Variants in HNRNPR observed in about 807,000 individuals in gnomAD.
HNRNPR encodes heterogeneous nuclear ribonucleoprotein R.
Under a neutral mutation model 70.3 loss-of-function variants are expected in HNRNPR, and 4 were observed. The observed-to-expected ratio is 0.06, with a 90% CI of 0.03 to 0.13. The LOEUF is 0.13. Among genes scored for constraint, HNRNPR ranks in the 10% least tolerant of loss-of-function variants. The pLI is 1.00. For missense variants in HNRNPR, 423 were observed against 788.5 expected, an observed-to-expected ratio of 0.54 and a Z score of 5.55; for synonymous variants, 241 against 267.6, an observed-to-expected ratio of 0.90 and a Z score of 0.97.
chr1:23,320,931 C>G (rs1486482185), intron 7 of HNRNPR, among the ~76,000 whole-genome samples: 1 of 152,174 alleles, frequency 6.6e-6, no homozygotes, highest in East Asian at 1.9e-4. Flanking sequence ...CTTTGGGAGG[C>G]CGAGGCGGGA....
intron 4 of HNRNPR, among the ~76,000 whole-genome samples, chr1:23,334,753 A>G (rs1646394160): frequency 6.6e-6 from 1 of 152,204 alleles, no homozygotes; most frequent in South Asian, 2.1e-4. Context: ...CTTACATTCT[A>G]TTAGGTATTA....
intron 9 of HNRNPR, among the ~76,000 whole-genome samples, chr1:23,312,924 T>G (rs998296806): frequency 6.6e-6 from 1 of 152,158 alleles, no homozygotes; most frequent in Non-Finnish European, 1.5e-5. Context: ...CCATTAAAGA[T>G]AGTCCTAAAC....
Position 23,307,756 on chromosome 1 carries a change from C to T in HNRNPR, c.*2698G>A, listed in dbSNP as rs1645224692. 6.6e-6 allele frequency: 1 copy of T among 151,952 alleles called. No individual in the cohort carries two copies. The highest frequency in any genetic ancestry group is 1.5e-5 in the Non-Finnish European group (1 of 67,910). The allele number at this position is 151,952 out of a possible 1,614,324, so 9.4% of individuals were successfully genotyped here. On this transcript the variant is annotated 3_prime_UTR_variant, in exon 11 of 11. Coordinates refer to ENST00000302271, the MANE Select transcript of HNRNPR (RefSeq NM_005826.5). ...TGTATCGGTCTCACCAGGGTACCTA[C>T]AAAGAATAGCTCTATACCTCAATAT...
At chr1:23,322,976 T>C (rs568573856) in intron 6 of HNRNPR, among the ~76,000 whole-genome samples, 3 of 152,204 alleles carry the variant, frequency 2.0e-5, no homozygotes, top group African/African-American at 7.2e-5. Flanking sequence ...AGGAAATTAA[T>C]ATGAGACTGG....
intron 4 of HNRNPR, among the ~76,000 whole-genome samples, chr1:23,335,862 A>G (rs1206920705): frequency 6.6e-6 from 1 of 152,096 alleles, no homozygotes; most frequent in Non-Finnish European, 1.5e-5. Flanking sequence ...TCACGCCTGT[A>G]ATCCCAGCAC....
chr1:23,307,228 T>C lies in HNRNPR; in HGVS notation c.*3226A>G, dbSNP rs1645215978. On this transcript the variant is annotated 3_prime_UTR_variant, in exon 11 of 11. Coordinates refer to ENST00000302271, the MANE Select transcript of HNRNPR (RefSeq NM_005826.5). The stretch of plus-strand genomic sequence containing the variant: ...TTTGGTTTTACAAATGCACAATTAA[T>C]AAAACGTAGGTATGATTATATTCAA... 1 of 152,144 alleles carries C rather than the reference T, an allele frequency of 6.6e-6. No individual in the cohort carries two copies. Among genetic ancestry groups the C allele is most frequent in the African/African-American group, 2.4e-5 (1 of 41,452 alleles). 9.4% of individuals were successfully genotyped at this position (152,144 alleles called of 1,614,324 possible).
At chr1:23,342,042 G>A (rs563881917) in intron 1 of HNRNPR, among the ~76,000 whole-genome samples, 1 of 152,120 alleles carries the variant, frequency 6.6e-6, no homozygotes, top group African/African-American at 2.4e-5. Flanking sequence ...ATAGGCAGCA[G>A]AACAAGACAT....
At position 23,319,923 on chromosome 1, in the gene HNRNPR, CT is replaced by C. The variant is rs200896881; in HGVS notation, c.812-1236del. On this transcript the variant is annotated intron_variant, in intron 7 of 10. Coordinates refer to ENST00000302271, the MANE Select transcript of HNRNPR (RefSeq NM_005826.5). ...CTTCAGGTGCTGGTTGACATGTCAT[CT>C]TATCAGAAAAGTCTTCCAAAACCAT... is the stretch of plus-strand genomic sequence containing the variant. Among the ~76,000 whole-genome samples the C allele has an allele frequency of 5.6e-3, 846 of 152,286 alleles. 6 individuals carry two copies. Among genetic ancestry groups the C allele is most frequent in the East Asian group, 0.042 (217 of 5,190 alleles).
chr1:23,324,307 G>A (rs560152057), intron 5 of HNRNPR, among the ~76,000 whole-genome samples: 1 of 152,226 alleles, frequency 6.6e-6, no homozygotes, highest in African/African-American at 2.4e-5. Flanking sequence ...GGCAGCTCAC[G>A]CCTGTAATCC....
chr1:23,338,725 A>T (rs770245333), intron 2 of HNRNPR, 117 bp from the exon 3 acceptor site: 6 of 521,236 alleles, frequency 1.2e-5, no homozygotes, highest in Non-Finnish European at 2.1e-5. Flanking sequence ...CTGTATTTTC[A>T]TTTAACTATA....
At chr1:23,321,163 CA>C (rs58123581) in intron 7 of HNRNPR, among the ~76,000 whole-genome samples, 13 of 98,144 alleles carry the variant, frequency 1.3e-4, no homozygotes, top group East Asian at 2.8e-4. Flanking sequence ...AACTCCGTCT[CA>C]AAAAAAAAAA....
intron 6 of HNRNPR, among the ~76,000 whole-genome samples, chr1:23,322,596 T>C (rs1645803411): frequency 6.6e-6 from 1 of 152,172 alleles, no homozygotes; most frequent in Admixed American, 6.5e-5. Flanking sequence ...GATATGATTA[T>C]TAAAAATAAA....
At chr1:23,334,749 T>C (rs1041245490) in intron 4 of HNRNPR, among the ~76,000 whole-genome samples, 1 of 152,218 alleles carries the variant, frequency 6.6e-6, no homozygotes, top group African/African-American at 2.4e-5. Flanking sequence ...CTTCCTTACA[T>C]TCTATTAGGT....
In HNRNPR at chr1:23,314,963, T is replaced by C. The variant is rs534914447; in HGVS notation, c.1018-1261A>G. Among the ~76,000 whole-genome samples, 3 of 152,214 alleles carry C rather than the reference T, an allele frequency of 2.0e-5. No homozygotes were observed. In the East Asian group the frequency reaches 5.8e-4, roughly 29 times the overall value. On this transcript the variant is annotated intron_variant, in intron 8 of 10. Transcript: ENST00000302271. ...AATACACTATAGTACCTCCACAGAATAGACTACTATGTAGTCATAAAAAAT... is the reference window on the plus strand; with the variant it reads ...AATACACTATAGTACCTCCACAGAACAGACTACTATGTAGTCATAAAAAAT...
Position 23,323,696 on chromosome 1 carries a change from C to A in HNRNPR, c.535G>T (p.Asp179Tyr). ...VGKIPRDLYE[D>Y]ELVPLFEKAG... is the part of the protein sequence containing the mutation. ...TTCTCAAAAAGGGGCACCAACTCAT[C>A]CTCATATAAATCCCTTGGTATTTTG... is the stretch of plus-strand genomic sequence containing the variant. The change falls in exon 6 of 11, where the codon GAT becomes TAT. Residue 179 changes from aspartate (D) to tyrosine (Y), a missense_variant. By Grantham distance (160) the Asp-to-Tyr change is radical. This residue lies in a region of HNRNPR where 118 missense variants were observed against 239.3 expected (regional missense o/e 0.49). Transcript: ENST00000302271. 6.2e-7 allele frequency: 1 copy of A among 1,614,112 alleles called. No individual in the cohort carries two copies. The highest frequency in any genetic ancestry group is 8.5e-7 in the Non-Finnish European group (1 of 1,179,978).
intron 8 of HNRNPR, among the ~76,000 whole-genome samples, chr1:23,317,480 TGTGTCC>T (rs1645592757): frequency 6.6e-6 from 1 of 151,660 alleles, no homozygotes; most frequent in African/African-American, 2.4e-5. Context: ...GCAACTCTGA[TGTGTCC>T]CAGGAGTCGC....
chr1:23,333,102 A>G (rs1268483394), intron 5 of HNRNPR, among the ~76,000 whole-genome samples: 3 of 152,154 alleles, frequency 2.0e-5, no homozygotes, highest in African/African-American at 4.8e-5. Flanking sequence ...GAATCACTTG[A>G]ACCCAGGAGG....
intron 4 of HNRNPR, among the ~76,000 whole-genome samples, 182 bp from the exon 5 acceptor site, chr1:23,333,813 A>T (rs193033417): frequency 6.6e-6 from 1 of 152,288 alleles, no homozygotes; most frequent in African/African-American, 2.4e-5. Context: ...GAGTCTTTTC[A>T]AATAAAATGT....
chr1:23,320,631 A>C (rs1355027917), intron 7 of HNRNPR, among the ~76,000 whole-genome samples: 1 of 152,214 alleles, frequency 6.6e-6, no homozygotes. Flanking sequence ...AAATGTAAAG[A>C]AACAGTGGTT....
Sources: gnomAD v4.1 joint callset for allele counts (sites outside exome capture counted in the v4.1 genomes callset) on GRCh38, gnomAD v4.1.1 for gene constraint, gnomAD v4.1.1 regional missense constraint, MANE v1.5 for transcripts, NCBI Gene and HGNC (gene_info 2026-07-23, HGNC 2026-07-21) for gene names.